The following SGIP1 variants were observed in gnomAD, a reference collection of about 807,000 sequenced individuals.
The protein encoded by SGIP1 is SH3GL interacting endocytic adaptor 1.
A neutral mutation model predicts 107.5 loss-of-function variants in SGIP1; 38 were observed. The observed-to-expected ratio is 0.35, with a 90% CI of 0.27 to 0.46. The LOEUF is 0.46. Among genes scored for constraint, SGIP1 ranks in the 20% least tolerant of loss-of-function variants. SGIP1 has a pLI of 1.00. For missense variants in SGIP1, 929 were observed against 1,019.5 expected (o/e 0.91, Z 1.21); for synonymous variants, 365 against 366.1 (o/e 1.00, Z 0.03).
chr1:66,687,862 A>G (rs759123199), intron 15 of SGIP1, among the ~76,000 whole-genome samples: 2 of 152,218 alleles, frequency 1.3e-5, no homozygotes, highest in Non-Finnish European at 2.9e-5. Context: ...TAGGTTTCAC[A>G]CGAATGTGAT....
At chr1:66,635,900 G>A (rs964930712) in intron 3 of SGIP1, 44 bp from the exon 4 acceptor site, 1 of 1,593,054 alleles carries the variant, frequency 6.3e-7, no homozygotes. Context: ...AGAACAAGCA[G>A]ATCTTTTAAC....
intron 20 of SGIP1, 117 bp from the exon 21 acceptor site, chr1:66,733,631 C>A: frequency 9.4e-7 from 1 of 1,067,074 alleles, no homozygotes; most frequent in Non-Finnish European, 1.3e-6. Flanking sequence ...ATAATAATCT[C>A]TACAAATTGT....
In SGIP1 at chr1:66,642,951, T is replaced by G. The variant is rs193182318; in HGVS notation, c.283+87T>G. On this transcript the variant is annotated intron_variant, in intron 6 of 24. Transcript: ENST00000371037. ...TTCAGATTTTACAAAAGTAATAAAA[T>G]AACCGAATCTTCACAAGTCCTGTTA... 3.0e-4 allele frequency: 350 copies of G among 1,155,248 alleles called. 1 individual carries two copies. In the African/African-American group the frequency reaches 5.1e-3, roughly 17 times the overall value. 71.6% of individuals were successfully genotyped at this position (1,155,248 alleles called of 1,614,324 possible).
In SGIP1 at chr1:66,744,407, ACT is replaced by A. The variant is rs1227007705; in HGVS notation, c.*1313_*1314del. 6.6e-6 allele frequency: 1 copy of A among 152,088 alleles called. No individual in the cohort carries two copies. Among genetic ancestry groups the A allele is most frequent in the Non-Finnish European group, 1.5e-5 (1 of 67,954 alleles). The allele number at this position is 152,088 out of a possible 1,614,324, so 9.4% of individuals were successfully genotyped here. ...GCCATATGAACATTTAGAAAGACAA[ACT>A]TCTTCGGGAGTCTCAGTTGTAAAAC... On this transcript the variant is annotated 3_prime_UTR_variant, in exon 25 of 25. Transcript: ENST00000371037.
At chr1:66,584,502 A>T (rs1317367610) in intron 1 of SGIP1, among the ~76,000 whole-genome samples, 2 of 152,114 alleles carry the variant, frequency 1.3e-5, no homozygotes, top group African/African-American at 4.8e-5. Flanking sequence ...GCTCAGTAAC[A>T]CCAAATGCAA....
At chr1:66,688,975 T>A (rs1229019729) in intron 15 of SGIP1, among the ~76,000 whole-genome samples, 173 bp from the exon 16 acceptor site, 2 of 151,512 alleles carry the variant, frequency 1.3e-5, no homozygotes, top group African/African-American at 4.9e-5. Flanking sequence ...AAATCATTAA[T>A]TTTTTTTCTT....
At chr1:66,554,312 A>C (rs891094346) in intron 1 of SGIP1, among the ~76,000 whole-genome samples, 19 of 152,136 alleles carry the variant, frequency 1.2e-4, no homozygotes, top group African/African-American at 4.3e-4. Context: ...GCTTTTTACA[A>C]TCTTTTGAGA....
At chr1:66,650,289 G>T (rs897735869) in intron 7 of SGIP1, among the ~76,000 whole-genome samples, 1 of 152,118 alleles carries the variant, frequency 6.6e-6, no homozygotes, top group Non-Finnish European at 1.5e-5. Context: ...TTCTTCGGGA[G>T]ACTTATTGAA....
intron 21 of SGIP1, 86 bp from the exon 22 acceptor site, chr1:66,739,249 C>T (rs1272091055): frequency 2.1e-6 from 3 of 1,431,734 alleles, no homozygotes; most frequent in Non-Finnish European, 2.9e-6. Flanking sequence ...TGCTTGTGAG[C>T]AGCATAAACA....
chr1:66,626,702 C>T (rs548837245), intron 2 of SGIP1, among the ~76,000 whole-genome samples: 7 of 152,266 alleles, frequency 4.6e-5, no homozygotes, highest in African/African-American at 1.7e-4. Context: ...CTTGAGACTC[C>T]AGCCCAAGAC....
chr1:66,670,711 C>T (rs2149828368), intron 9 of SGIP1, among the ~76,000 whole-genome samples: 1 of 152,168 alleles, frequency 6.6e-6, no homozygotes, highest in Non-Finnish European at 1.5e-5. Flanking sequence ...ATGGACTAAT[C>T]AATATTTGAA....
chr1:66,612,279 G>A (rs1381706011), intron 1 of SGIP1, among the ~76,000 whole-genome samples: 1 of 152,208 alleles, frequency 6.6e-6, no homozygotes, highest in Non-Finnish European at 1.5e-5. Flanking sequence ...AATCATTCAT[G>A]AGGGATCCTC....
At chr1:66,535,566 G>A (rs1025230895) in intron 1 of SGIP1, among the ~76,000 whole-genome samples, 1 of 152,192 alleles carries the variant, frequency 6.6e-6, no homozygotes, top group Non-Finnish European at 1.5e-5. Flanking sequence ...CATTGTTAAT[G>A]TGATTTGGGG....
chr1:66,577,356 G>A (rs1053036854), intron 1 of SGIP1, among the ~76,000 whole-genome samples: 4 of 152,080 alleles, frequency 2.6e-5, no homozygotes, highest in Admixed American at 2.6e-4. Context: ...TTAAAAGAAT[G>A]TTTGTTGTTT....
At chr1:66,633,044 T>C (rs758677386) in intron 2 of SGIP1, 26 bp from the exon 3 acceptor site, 2 of 1,431,990 alleles carry the variant, frequency 1.4e-6, no homozygotes, top group Non-Finnish European at 9.8e-7. Context: ...CTTATCATAA[T>C]AGCTATCAAT....
Position 66,729,387 on chromosome 1 carries a change from AC to A in SGIP1, c.1867del (p.His623ThrfsTer25). ...FRVINFSRLE[H>X]VLPNPQLLCC... ...GGGTGATAAATTTCAGCAGGTTAGA[AC>A]ACGTCCTGCCAAACCCCCAACTTCT... is the stretch of plus-strand genomic sequence containing the variant. On this transcript the variant is annotated frameshift_variant, in exon 20 of 25. Transcript: ENST00000371037. LOFTEE classifies it high-confidence loss of function. The A allele has an allele frequency of 6.2e-7, 1 of 1,614,168 alleles. No homozygotes were observed. The highest frequency in any genetic ancestry group is 8.5e-7 in the Non-Finnish European group (1 of 1,180,022).
intron 1 of SGIP1, among the ~76,000 whole-genome samples, chr1:66,596,505 G>A (rs1004534500): frequency 6.6e-6 from 1 of 151,902 alleles, no homozygotes; most frequent in Non-Finnish European, 1.5e-5. Flanking sequence ...ATTAGGAAAG[G>A]GTCGGTATAT....
At chr1:66,563,638 C>A (rs138585161) in intron 1 of SGIP1, among the ~76,000 whole-genome samples, 2 of 152,066 alleles carry the variant, frequency 1.3e-5, no homozygotes, top group South Asian at 2.1e-4. Context: ...TGAATCACAT[C>A]GGATGGAATG....
intron 3 of SGIP1, among the ~76,000 whole-genome samples, chr1:66,633,397 T>C (rs1210632302): frequency 6.6e-6 from 1 of 152,010 alleles, no homozygotes; most frequent in East Asian, 1.9e-4. Flanking sequence ...TCATTTCCAA[T>C]TTAATGATGT....
Sources: gnomAD v4.1 joint callset for allele counts (sites outside exome capture counted in the v4.1 genomes callset) on GRCh38, gnomAD v4.1.1 for gene constraint, MANE v1.5 for transcripts, NCBI Gene and HGNC (gene_info 2026-07-23, HGNC 2026-07-21) for gene names.